The following SHISA9 variants were observed in gnomAD, a reference collection of about 807,000 sequenced individuals.
The protein encoded by SHISA9 is shisa family member 9.
SHISA9 carries 13 observed loss-of-function variants against 38.0 expected under a neutral mutation model. That is an observed-to-expected ratio of 0.34 (90% CI 0.22 to 0.54). SHISA9 has a LOEUF of 0.54. SHISA9 is among the 20% of genes least tolerant of loss of function. The pLI, the probability that SHISA9 is intolerant of heterozygous loss-of-function variation, is 0.91. For missense variants in SHISA9, 538 were observed against 575.8 expected, an observed-to-expected ratio of 0.93 and a Z score of 0.67; for synonymous variants, 275 against 242.0, an observed-to-expected ratio of 1.14 and a Z score of -1.27.
intron 2 of SHISA9, among the ~76,000 whole-genome samples, chr16:12,970,358 T>TATATAC (rs2072044083): frequency 1.5e-5 from 1 of 68,034 alleles, no homozygotes; most frequent in African/African-American, 5.3e-5. Context: ...TATGTGTATA[T>TATATAC]ATATATATAT....
chr16:13,148,817 A>G (rs2050472045), intron 2 of SHISA9, among the ~76,000 whole-genome samples: 1 of 150,438 alleles, frequency 6.6e-6, no homozygotes, highest in South Asian at 2.2e-4. Context: ...CTAGCCTAGA[A>G]TCACCAAAAA....
intron 2 of SHISA9, among the ~76,000 whole-genome samples, chr16:13,025,164 A>G (rs1202699241): frequency 6.6e-6 from 1 of 152,144 alleles, no homozygotes; most frequent in Non-Finnish European, 1.5e-5. Flanking sequence ...TGACATTATT[A>G]TAATTGTCTA....
At chr16:13,516,407 G>A in the SHISA9 span, among the ~76,000 whole-genome samples, 2 of 152,306 alleles carry the variant, frequency 1.3e-5, no homozygotes, top group Admixed American at 1.3e-4. Flanking sequence ...ACAGAAGAAG[G>A]AAAGAAGTTG....
the SHISA9 span, among the ~76,000 whole-genome samples, chr16:13,262,019 AATAG>A: frequency 6.6e-6 from 1 of 152,212 alleles, no homozygotes; most frequent in Admixed American, 6.5e-5. Context: ...CTTCAAAAGT[AATAG>A]ATAGATAACA....
chr16:13,245,059 G>A (rs1252283058), downstream of SHISA9, among the ~76,000 whole-genome samples: 1 of 152,114 alleles, frequency 6.6e-6, no homozygotes, highest in Non-Finnish European at 1.5e-5. Context: ...GGGACTACAG[G>A]TACGTGCCAC....
chr16:13,545,661 GA>G, the SHISA9 span, among the ~76,000 whole-genome samples: 1 of 152,134 alleles, frequency 6.6e-6, no homozygotes, highest in Non-Finnish European at 1.5e-5. Flanking sequence ...CCCCTGGCAG[GA>G]GCCAGCAGCT....
the SHISA9 span, among the ~76,000 whole-genome samples, chr16:13,366,151 C>G: frequency 6.6e-6 from 1 of 152,160 alleles, no homozygotes; most frequent in Non-Finnish European, 1.5e-5. Flanking sequence ...AAACTGCCAT[C>G]AGTTACTGAT....
the SHISA9 span, among the ~76,000 whole-genome samples, chr16:13,483,869 A>G: frequency 6.6e-6 from 1 of 152,160 alleles, no homozygotes; most frequent in South Asian, 2.1e-4. Flanking sequence ...ACATCTCTTC[A>G]TTTGGATCCT....
intron 2 of SHISA9, among the ~76,000 whole-genome samples, chr16:13,076,968 A>G (rs1721045256): frequency 6.6e-6 from 1 of 152,212 alleles, no homozygotes; most frequent in Non-Finnish European, 1.5e-5. Context: ...TGTCAATGAC[A>G]CTTTGCCTGG....
chr16:13,544,414 G>GTTTTTTTTTCTTGTTTTTTTTTT, the SHISA9 span, among the ~76,000 whole-genome samples: 1 of 130,398 alleles, frequency 7.7e-6, no homozygotes. Context: ...GTTTTTTCGG[G>GTTTTTTTTTCTTGTTTTTTTTTT]TTTTTTTTTT....
the SHISA9 span, among the ~76,000 whole-genome samples, chr16:13,552,130 G>A: frequency 3.9e-5 from 6 of 152,280 alleles, no homozygotes; most frequent in African/African-American, 1.4e-4. Flanking sequence ...TGGAATAAGT[G>A]AAGTAGTCAG....
At chr16:13,508,613 A>C in the SHISA9 span, among the ~76,000 whole-genome samples, 1 of 152,228 alleles carries the variant, frequency 6.6e-6, no homozygotes, top group Non-Finnish European at 1.5e-5. Context: ...TACATGTGTC[A>C]GCATATAAAT....
chr16:13,409,260 C>T, the SHISA9 span, among the ~76,000 whole-genome samples: 4 of 152,222 alleles, frequency 2.6e-5, no homozygotes, highest in Non-Finnish European at 5.9e-5. Context: ...ACAGCCACTT[C>T]CACCACTCAG....
At chr16:12,966,674 C>G (rs528907047) in intron 2 of SHISA9, among the ~76,000 whole-genome samples, 1 of 152,184 alleles carries the variant, frequency 6.6e-6, no homozygotes, top group African/African-American at 2.4e-5. Context: ...CAAAACTTAG[C>G]CCCTTGGAAG....
chr16:13,156,470 C>A (rs969715048), intron 2 of SHISA9, among the ~76,000 whole-genome samples: 1 of 152,100 alleles, frequency 6.6e-6, no homozygotes, highest in African/African-American at 2.4e-5. Flanking sequence ...CATGGTGGCT[C>A]ACGCCTGTAA....
chr16:12,907,730 A>G (rs931250485), intron 1 of SHISA9, among the ~76,000 whole-genome samples: 34 of 152,192 alleles, frequency 2.2e-4, no homozygotes, highest in African/African-American at 8.2e-4. Context: ...CTCAGTTGCC[A>G]ACATTTACAA....
At chr16:12,916,608 C>A in intron 1 of SHISA9, 80 bp from the exon 2 acceptor site, 1 of 1,454,338 alleles carries the variant, frequency 6.9e-7, no homozygotes. Context: ...GCCATTTGTT[C>A]GCGACTGCAG....
At chr16:13,265,508 T>C in the SHISA9 span, among the ~76,000 whole-genome samples, 1 of 113,116 alleles carries the variant, frequency 8.8e-6, no homozygotes, top group Non-Finnish European at 1.8e-5. Flanking sequence ...CTTCCCCTCC[T>C]CTTCCCTTCC....
chr16:13,491,001 G>A, the SHISA9 span, among the ~76,000 whole-genome samples: 1 of 152,068 alleles, frequency 6.6e-6, no homozygotes, highest in African/African-American at 2.4e-5. Flanking sequence ...TTGAAGTTCA[G>A]GTTCAACTAA....
Sources: gnomAD v4.1 joint callset for allele counts (sites outside exome capture counted in the v4.1 genomes callset) on GRCh38, gnomAD v4.1.1 for gene constraint, MANE v1.5 for transcripts, NCBI Gene and HGNC (gene_info 2026-07-23, HGNC 2026-07-21) for gene names.